Variants in VRK2 observed in about 807,000 individuals in gnomAD.
VRK2 encodes the protein VRK serine/threonine kinase 2.
A neutral mutation model predicts 57.6 loss-of-function variants in VRK2; 60 were observed. The ratio of observed to expected loss-of-function variants is 1.04; its 90% confidence interval spans 0.85 to 1.29. VRK2 has a LOEUF of 1.29. Among genes scored for constraint, VRK2 ranks in the 50% most tolerant of loss-of-function variants. The pLI, the probability that VRK2 is intolerant of heterozygous loss-of-function variation, is 0.00. For missense variants in VRK2, 705 were observed against 588.1 expected, an observed-to-expected ratio of 1.20 and a Z score of -2.06; for synonymous variants, 231 against 199.2, an observed-to-expected ratio of 1.16 and a Z score of -1.35.
chr2:58,066,963 G>A (rs1668690865), intron 2 of VRK2, among the ~76,000 whole-genome samples: 1 of 152,190 alleles, frequency 6.6e-6, no homozygotes, highest in African/African-American at 2.4e-5. Context: ...GGGAGAGGTA[G>A]ACCCACCCTC....
chr2:57,982,110 G>A (rs914460739), intron 1 of VRK2, among the ~76,000 whole-genome samples: 1 of 152,130 alleles, frequency 6.6e-6, no homozygotes, highest in African/African-American at 2.4e-5. Flanking sequence ...GGTATAAGTT[G>A]GATTTAGTCA....
chr2:57,991,965 A>G lies in VRK2; in HGVS notation c.-438-33700A>G, dbSNP rs1669882413. 2.6e-5 allele frequency among the ~76,000 whole-genome samples: 4 copies of G among 152,026 alleles called. 1 individual carries two copies. The highest frequency in any genetic ancestry group is 9.6e-5 in the African/African-American group (4 of 41,478). ...GCATGAGACTCCAACTCAAAAAAAA[A>G]AAAAAAATTTGATTTGTAAAGACAA... On this transcript the variant is annotated intron_variant, in intron 1 of 15. Transcript: ENST00000417641.
intron 2 of VRK2, among the ~76,000 whole-genome samples, chr2:58,058,874 TC>T (rs1373300171): frequency 6.6e-6 from 1 of 152,060 alleles, no homozygotes; most frequent in Non-Finnish European, 1.5e-5. Context: ...ATATTTGGAC[TC>T]TGGTCCCTGC....
At chr2:58,138,110 T>G (rs1332107218) in intron 10 of VRK2, among the ~76,000 whole-genome samples, 1 of 152,188 alleles carries the variant, frequency 6.6e-6, no homozygotes, top group East Asian at 1.9e-4. Flanking sequence ...CACATTCAAC[T>G]CTCTTCCTCA....
Position 58,123,096 on chromosome 2 carries a change from T to C in VRK2, c.544-5T>C. 1 of 1,596,716 alleles carries C rather than the reference T, an allele frequency of 6.3e-7. No homozygotes were observed. The highest frequency in any genetic ancestry group is 8.5e-7 in the Non-Finnish European group (1 of 1,175,228). On this transcript the variant is annotated splice_region_variant and splice_polypyrimidine_tract_variant and intron_variant, in intron 7 of 12. Transcript: ENST00000340157. ...ATTATTCATTTGTCTGTGCTTGTCT[T>C]CCAGGTTTATCTTGCAGATTATGGA...
In VRK2 at chr2:58,135,317, A is replaced by AG. The variant is rs1679857098; in HGVS notation, c.856+121dup. On this transcript the variant is annotated intron_variant, in intron 10 of 12. Transcript: ENST00000340157. ...TCCTATTCCCATCAGGGTGGGAAGG[A>AG]GGGAACTCTTCATGTTGCAAATAAG... is the stretch of plus-strand genomic sequence containing the variant. 9 of 1,002,684 alleles carry AG rather than the reference A, an allele frequency of 9.0e-6. No homozygotes were observed. The South Asian group carries it at 1.0e-4, about 11-fold the overall frequency. 62.1% of individuals were successfully genotyped at this position (1,002,684 alleles called of 1,614,324 possible).
chr2:57,964,347 A>T (rs1324884200), intron 1 of VRK2, among the ~76,000 whole-genome samples: 1 of 152,198 alleles, frequency 6.6e-6, no homozygotes, highest in Non-Finnish European at 1.5e-5. Context: ...AACATGGATC[A>T]TCATAAAGGT....
chr2:57,934,722 G>A (rs1182938714), intron 1 of VRK2, among the ~76,000 whole-genome samples: 1 of 151,794 alleles, frequency 6.6e-6, no homozygotes, highest in Non-Finnish European at 1.5e-5. Flanking sequence ...TCCTTTGATG[G>A]TGTCCCATAC....
chr2:57,926,502 AGT>A (rs1348359920), intron 1 of VRK2, among the ~76,000 whole-genome samples: 2 of 149,390 alleles, frequency 1.3e-5, no homozygotes, highest in South Asian at 4.2e-4. Flanking sequence ...ATATATATAT[AGT>A]GTGTGTATAT....
intron 1 of VRK2, among the ~76,000 whole-genome samples, chr2:57,950,299 T>G (rs1671386250): frequency 6.6e-6 from 1 of 152,242 alleles, no homozygotes; most frequent in Non-Finnish European, 1.5e-5. Context: ...AACTTCAAAG[T>G]ACAAGATGAC....
chr2:58,005,837 G>C (rs1264772704), intron 1 of VRK2, among the ~76,000 whole-genome samples: 1 of 152,176 alleles, frequency 6.6e-6, no homozygotes, highest in Non-Finnish European at 1.5e-5. Flanking sequence ...TTCTTTGACA[G>C]TAGAAGAGAC....
rs148555726 is a variant in VRK2, at chr2:58,092,429, G to A, written c.543+2706G>A. Among the ~76,000 whole-genome samples the A allele has an allele frequency of 1.1e-4, 16 of 152,252 alleles. No homozygotes were observed. In the East Asian group the frequency reaches 2.9e-3, roughly 28 times the overall value. On this transcript the variant is annotated intron_variant, in intron 7 of 12. Coordinates refer to ENST00000340157, the MANE Select transcript of VRK2 (RefSeq NM_006296.7). ...CTGTTCACCTGTTGATGGCTATCTG[G>A]GTTGTTTTCAGTTTTTGACAGTTAT...
intron 12 of VRK2, among the ~76,000 whole-genome samples, chr2:58,156,694 T>C (rs1001986201): frequency 6.6e-6 from 1 of 152,174 alleles, no homozygotes; most frequent in Non-Finnish European, 1.5e-5. Flanking sequence ...CCTGTATTTT[T>C]CAGTTCCACA....
intron 2 of VRK2, among the ~76,000 whole-genome samples, chr2:58,061,392 GA>G (rs1410444542): frequency 6.6e-6 from 1 of 151,696 alleles, no homozygotes; most frequent in Non-Finnish European, 1.5e-5. Context: ...AGACAGCAAA[GA>G]AAAATAACAA....
At chr2:57,967,867 T>A (rs567278992) in intron 1 of VRK2, among the ~76,000 whole-genome samples, 2 of 152,202 alleles carry the variant, frequency 1.3e-5, no homozygotes, top group South Asian at 4.1e-4. Flanking sequence ...ATTCTGATTG[T>A]TTCACCACAG....
rs371398605 is a variant in VRK2 at position 58,059,432 on chromosome 2, CTTTA to C, written c.136+10467_136+10470del. On this transcript the variant is annotated intron_variant, in intron 2 of 12. Coordinates refer to ENST00000340157, the MANE Select transcript of VRK2 (RefSeq NM_006296.7). ...ATAAGCACCATATAAAAATAGATAC[CTTTA>C]TAAATATTGAATGATTCTTGACTAT... is the stretch of plus-strand genomic sequence containing the variant. Among the ~76,000 whole-genome samples the C allele has an allele frequency of 3.2e-4, 48 of 151,854 alleles. No individual in the cohort carries two copies. In the South Asian group the frequency reaches 9.4e-3, roughly 30 times the overall value.
chr2:58,156,060 GT>G (rs1683789189), intron 12 of VRK2, among the ~76,000 whole-genome samples: 1 of 151,920 alleles, frequency 6.6e-6, no homozygotes. Context: ...AATTTTCAGT[GT>G]TTTGATAGGT....
intron 1 of VRK2, among the ~76,000 whole-genome samples, chr2:57,984,172 A>G (rs1672520369): frequency 6.6e-6 from 1 of 152,212 alleles, no homozygotes; most frequent in South Asian, 2.1e-4. Context: ...TGTATTGTCT[A>G]AATTTAATTT....
At chr2:58,039,130 T>C (rs553846877) in intron 3 of VRK2, among the ~76,000 whole-genome samples, 4 of 152,106 alleles carry the variant, frequency 2.6e-5, no homozygotes, top group African/African-American at 7.2e-5. Flanking sequence ...TACGTAAAAA[T>C]AAAACAATTT....
Sources: gnomAD v4.1 joint callset for allele counts (sites outside exome capture counted in the v4.1 genomes callset) on GRCh38, gnomAD v4.1.1 for gene constraint, MANE v1.5 for transcripts, NCBI Gene and HGNC (gene_info 2026-07-23, HGNC 2026-07-21) for gene names.